The following C8orf34 variants were observed in gnomAD, a reference collection of about 807,000 sequenced individuals.
The protein encoded by C8orf34 is uncharacterized protein C8orf34.
A neutral mutation model predicts 68.3 loss-of-function variants in C8orf34; 65 were observed. That is an observed-to-expected ratio of 0.95 (90% confidence interval 0.78 to 1.17). C8orf34 has a LOEUF of 1.17. Ranked by LOEUF, C8orf34 falls within the 50% of genes most tolerant of loss-of-function variation. The pLI is 0.00. For missense variants in C8orf34, 664 were observed against 655.4 expected (o/e 1.01, Z -0.14); for synonymous variants, 244 against 241.2 (o/e 1.01, Z -0.11).
At chr8:68,525,400 A>G (rs1266718921) in intron 6 of C8orf34, 2 of 354,546 alleles carry the variant, frequency 5.6e-6, no homozygotes, top group Non-Finnish European at 1.0e-5. Flanking sequence ...ACACACAAAA[A>G]TTATACCTCA....
chr8:68,503,489 C>T (rs1010844600), intron 5 of C8orf34, among the ~76,000 whole-genome samples: 2 of 151,912 alleles, frequency 1.3e-5, no homozygotes, highest in African/African-American at 4.8e-5. Flanking sequence ...TATCTTTCCA[C>T]TTTTGTATTT....
At chr8:68,457,195 C>A (rs1312616532) in intron 3 of C8orf34, among the ~76,000 whole-genome samples, 1 of 151,828 alleles carries the variant, frequency 6.6e-6, no homozygotes, top group Non-Finnish European at 1.5e-5. Context: ...AGATAAATAG[C>A]TGCATATTTA....
At chr8:68,685,493 C>T (rs576270189) in intron 8 of C8orf34, among the ~76,000 whole-genome samples, 9 of 152,176 alleles carry the variant, frequency 5.9e-5, no homozygotes, top group African/African-American at 1.7e-4. Context: ...ATCAACCCAA[C>T]GTCCTTACAT....
In C8orf34 at chr8:68,450,764, G is replaced by A. The variant is rs143565688; in HGVS notation, c.607+4304G>A. On this transcript the variant is annotated intron_variant, in intron 3 of 13. Transcript: ENST00000518698. ...TCATCCAGGCTTTGTTGTTTTATCT[G>A]TAGAGCACAGACAGAGTAGATATAG... Among the ~76,000 whole-genome samples the A allele has an allele frequency of 2.2e-3, 329 of 152,204 alleles. 1 individual carries two copies. Among genetic ancestry groups the A allele is most frequent in the African/African-American group, 7.1e-3 (295 of 41,570 alleles).
chr8:68,584,345 A>G (rs555326780), intron 7 of C8orf34, among the ~76,000 whole-genome samples: 1 of 152,172 alleles, frequency 6.6e-6, no homozygotes, highest in African/African-American at 2.4e-5. Context: ...ACTATAAACA[A>G]GGAGAAATGA....
At chr8:68,561,305 CTT>C (rs1338851681) in intron 7 of C8orf34, among the ~76,000 whole-genome samples, 1 of 151,912 alleles carries the variant, frequency 6.6e-6, no homozygotes, top group Non-Finnish European at 1.5e-5. Flanking sequence ...TTTGTTAACT[CTT>C]TGACTCTTTT....
chr8:68,372,707 C>T (rs1479705067), intron 1 of C8orf34, among the ~76,000 whole-genome samples: 1 of 152,138 alleles, frequency 6.6e-6, no homozygotes, highest in African/African-American at 2.4e-5. Flanking sequence ...ACCCATCAAC[C>T]CGTCATCTAC....
intron 1 of C8orf34, among the ~76,000 whole-genome samples, chr8:68,351,945 A>G (rs372708491): frequency 4.6e-5 from 7 of 152,172 alleles, no homozygotes; most frequent in Admixed American, 3.3e-4. Context: ...CCCTAATGGC[A>G]TATGATGTTG....
At chr8:68,334,681 A>C (rs1805770506) in intron 1 of C8orf34, among the ~76,000 whole-genome samples, 1 of 152,166 alleles carries the variant, frequency 6.6e-6, no homozygotes, top group Non-Finnish European at 1.5e-5. Flanking sequence ...TGTACTGAAG[A>C]TGTGGCAAAC....
chr8:68,709,157 A>AC, intron 9 of C8orf34, 78 bp downstream of exon 9: 1 of 1,069,916 alleles, frequency 9.3e-7, no homozygotes, highest in Non-Finnish European at 1.4e-6. Flanking sequence ...AAAAAACTAA[A>AC]CCAAACATCT....
At chr8:68,535,294 A>C (rs1029169684) in intron 7 of C8orf34, 1 of 980,812 alleles carries the variant, frequency 1.0e-6, no homozygotes, top group Non-Finnish European at 1.2e-6. Flanking sequence ...AATCTTTTTG[A>C]ATCTACATTT....
chr8:68,800,668 G>A (rs998052451), intron 12 of C8orf34, among the ~76,000 whole-genome samples: 2 of 152,084 alleles, frequency 1.3e-5, no homozygotes, highest in Non-Finnish European at 2.9e-5. Context: ...TCACTGTATA[G>A]GTAGTCTCAT....
At chr8:68,556,557 C>T (rs934357186) in intron 7 of C8orf34, among the ~76,000 whole-genome samples, 1 of 151,974 alleles carries the variant, frequency 6.6e-6, no homozygotes, top group South Asian at 2.1e-4. Context: ...GAGGCATAGC[C>T]TGACTCAGCA....
chr8:68,555,754 T>A (rs1036687767), intron 7 of C8orf34, among the ~76,000 whole-genome samples: 41 of 152,316 alleles, frequency 2.7e-4, no homozygotes, highest in African/African-American at 9.4e-4. Flanking sequence ...ATTAATTTTG[T>A]GTTTTAGAAA....
At chr8:68,563,181 G>A (rs1816486074) in intron 7 of C8orf34, among the ~76,000 whole-genome samples, 1 of 152,082 alleles carries the variant, frequency 6.6e-6, no homozygotes, top group Admixed American at 6.5e-5. Context: ...AACCTGGTTA[G>A]ATAGCCAGGA....
chr8:68,757,535 C>A (rs1822900140), intron 10 of C8orf34, among the ~76,000 whole-genome samples: 1 of 152,052 alleles, frequency 6.6e-6, no homozygotes, highest in Non-Finnish European at 1.5e-5. Context: ...GCAGGTGAAT[C>A]ACTTGAACCG....
At chr8:68,567,060 T>C (rs146765508) in intron 7 of C8orf34, among the ~76,000 whole-genome samples, 104 of 152,330 alleles carry the variant, frequency 6.8e-4, no homozygotes, top group African/African-American at 2.4e-3. Flanking sequence ...TTAGCATCTA[T>C]GTTCATCTAT....
intron 7 of C8orf34, among the ~76,000 whole-genome samples, chr8:68,604,014 A>G (rs750584734): frequency 6.6e-6 from 1 of 152,156 alleles, no homozygotes; most frequent in Non-Finnish European, 1.5e-5. Flanking sequence ...TAACAAGTAA[A>G]CCTACAAAAT....
chr8:68,481,491 G>A (rs1812858168), intron 4 of C8orf34, among the ~76,000 whole-genome samples: 1 of 152,210 alleles, frequency 6.6e-6, no homozygotes, highest in African/African-American at 2.4e-5. Flanking sequence ...CCAACAGCTT[G>A]CACTGTGTGC....
Sources: allele counts gnomAD v4.1 joint callset (sites outside exome capture counted in the v4.1 genomes callset), GRCh38; gene constraint gnomAD v4.1.1; transcripts MANE v1.5; gene names NCBI Gene and HGNC (gene_info 2026-07-23, HGNC 2026-07-21).